Variants in NXNL2 observed in about 807,000 individuals in gnomAD.
NXNL2 encodes the protein nucleoredoxin-like protein 2.
Under a neutral mutation model 11.1 loss-of-function variants are expected in NXNL2, and 7 were observed. The ratio of observed to expected loss-of-function variants is 0.63; its 90% CI spans 0.36 to 1.18. The LOEUF is 1.18. NXNL2 is among the 50% of genes most tolerant of loss of function. NXNL2 has a pLI of 0.02. For synonymous variants in NXNL2, 109 were observed against 101.8 expected (o/e 1.07, Z -0.42); for missense variants, 233 against 217.7 (o/e 1.07, Z -0.44).
At chr9:88,542,158 A>AG (rs898323644) in intron 1 of NXNL2, among the ~76,000 whole-genome samples, 1 of 151,836 alleles carries the variant, frequency 6.6e-6, no homozygotes, top group Non-Finnish European at 1.5e-5. Flanking sequence ...GCATGAACCC[A>AG]GGAGGCGGAG....
intron 1 of NXNL2, among the ~76,000 whole-genome samples, chr9:88,568,771 T>C (rs910816487): frequency 6.6e-6 from 1 of 152,224 alleles, no homozygotes; most frequent in Admixed American, 6.5e-5. Flanking sequence ...AGTATGTAGT[T>C]CAGAAGAGAA....
At chr9:88,541,563 G>A (rs913532246) in intron 1 of NXNL2, among the ~76,000 whole-genome samples, 5 of 152,102 alleles carry the variant, frequency 3.3e-5, no homozygotes, top group African/African-American at 9.7e-5. Context: ...GCCCAGGCTC[G>A]GTAGAGATTT....
rs35107510 is a variant in NXNL2, at chr9:88,573,148, A to ATT, written c.*17-1927_*17-1926dup. Among the ~76,000 whole-genome samples the ATT allele has an allele frequency of 2.6e-3, 388 of 148,330 alleles. 1 individual carries two copies. The highest frequency in any genetic ancestry group is 0.015 in the South Asian group (70 of 4,680). ...TTGATTGAAGGACATAAAATAGTCA[A>ATT]TTTTTTTTTTTTTGAGACAAGGTCT... On this transcript the variant is annotated intron_variant, in intron 2 of 2. Coordinates refer to the NXNL2 transcript ENST00000375855.
At chr9:88,551,724 T>G (rs1456960710) in intron 1 of NXNL2, among the ~76,000 whole-genome samples, 1 of 152,246 alleles carries the variant, frequency 6.6e-6, no homozygotes, top group Non-Finnish European at 1.5e-5. Flanking sequence ...TTGTTAACGC[T>G]GAGCTCCCCT....
intron 1 of NXNL2, among the ~76,000 whole-genome samples, chr9:88,569,709 A>C (rs1830230006): frequency 6.6e-6 from 1 of 152,210 alleles, no homozygotes; most frequent in Non-Finnish European, 1.5e-5. Context: ...TATGCAGACA[A>C]TTATGTGGTT....
downstream of NXNL2, among the ~76,000 whole-genome samples, chr9:88,577,565 T>C (rs551205415): frequency 6.6e-6 from 1 of 152,164 alleles, no homozygotes; most frequent in African/African-American, 2.4e-5. Context: ...GCCTGCTTCC[T>C]GGCTTGTGGA....
At chr9:88,546,263 T>C (rs1040235440), downstream of NXNL2, among the ~76,000 whole-genome samples, 9 of 151,384 alleles carry the variant, frequency 5.9e-5, no homozygotes, top group African/African-American at 1.9e-4. Context: ...GTGTTGGTGT[T>C]TGTGGGCTGG....
chr9:88,542,282 A>G (rs1470823721), intron 1 of NXNL2, among the ~76,000 whole-genome samples: 1 of 151,474 alleles, frequency 6.6e-6, no homozygotes, highest in Admixed American at 6.6e-5. Context: ...ACAAAAAAAT[A>G]TATATTTTTT....
chr9:88,554,859 G>A (rs77743130), intron 1 of NXNL2, among the ~76,000 whole-genome samples: 2,149 of 152,244 alleles, frequency 0.014, 48 homozygotes, highest in African/African-American at 0.048. Flanking sequence ...GGGAACTTAA[G>A]CCTGGAGACT....
chr9:88,537,936 G>T (rs1159681611), intron 1 of NXNL2, among the ~76,000 whole-genome samples: 1 of 152,228 alleles, frequency 6.6e-6, no homozygotes, highest in Non-Finnish European at 1.5e-5. Context: ...CCAGCAACAA[G>T]GATGTGGCTG....
At chr9:88,544,980 AGTCTATT>A (rs1465018865), downstream of NXNL2, 2 of 766,244 alleles carry the variant, frequency 2.6e-6, no homozygotes, top group Non-Finnish European at 3.2e-6. Flanking sequence ...TTAATAAACA[AGTCTATT>A]GCCTTCTTTC....
At chr9:88,573,928 C>T (rs1830311562) in intron 2 of NXNL2, among the ~76,000 whole-genome samples, 1 of 152,190 alleles carries the variant, frequency 6.6e-6, no homozygotes. Flanking sequence ...TGAGATACCA[C>T]CTCCCTGCCA....
At position 88,544,508 on chromosome 9, in the gene NXNL2, G is replaced by A. The variant is rs1829821081; in HGVS notation, c.432G>A (p.Trp144Ter). Reference sequence around the variant, plus strand: ...GGGGGTTGGCCTGCTTCCAGGACTGGGTGGAGGCGGCCGATATCTTCCAGA... The same window carrying A: ...GGGGGTTGGCCTGCTTCCAGGACTGAGTGGAGGCGGCCGATATCTTCCAGA... ...RERGLACFQDWVEAADIFQNF... is the reference protein window; with the variant it reads ...RERGLACFQD Residue 144 changes from tryptophan (W) to a stop codon, truncating the protein, a stop_gained, in exon 2 of 2, where the codon TGG becomes TGA. Coordinates refer to ENST00000375854, the MANE Select transcript of NXNL2 (RefSeq NM_001161625.2). LOFTEE classifies it high-confidence loss of function. The A allele has an allele frequency of 1.9e-6, 3 of 1,549,682 alleles. No homozygotes were observed. Among genetic ancestry groups the A allele is most frequent in the African/African-American group, 1.4e-5 (1 of 73,010 alleles).
intron 1 of NXNL2, among the ~76,000 whole-genome samples, chr9:88,542,787 C>T (rs916364034): frequency 8.6e-5 from 13 of 152,034 alleles, no homozygotes; most frequent in Non-Finnish European, 1.5e-4. Context: ...GTATTTTTTC[C>T]TGCTTGAGTG....
At chr9:88,557,411 C>T (rs1157494100) in intron 1 of NXNL2, among the ~76,000 whole-genome samples, 1 of 152,210 alleles carries the variant, frequency 6.6e-6, no homozygotes, top group Non-Finnish European at 1.5e-5. Flanking sequence ...GAGGCTCCTG[C>T]ACCAGAGTCA....
intron 1 of NXNL2, among the ~76,000 whole-genome samples, chr9:88,569,332 C>CT (rs552735953): frequency 6.6e-6 from 1 of 152,054 alleles, no homozygotes; most frequent in Non-Finnish European, 1.5e-5. Context: ...TCCTTTCTTC[C>CT]TTTTTTTTCT....
chr9:88,546,752 T>G (rs1252782963), downstream of NXNL2, among the ~76,000 whole-genome samples: 1 of 152,124 alleles, frequency 6.6e-6, no homozygotes, highest in African/African-American at 2.4e-5. Flanking sequence ...CAAACAATTT[T>G]TCTTGACGTA....
chr9:88,542,295 T>C (rs1400329756), intron 1 of NXNL2, among the ~76,000 whole-genome samples: 1 of 151,800 alleles, frequency 6.6e-6, no homozygotes, highest in African/African-American at 2.4e-5. Context: ...TATTTTTTTA[T>C]TTTTATTTTT....
At chr9:88,549,896 A>G (rs1829903590), downstream of NXNL2, among the ~76,000 whole-genome samples, 1 of 151,956 alleles carries the variant, frequency 6.6e-6, no homozygotes, top group South Asian at 2.1e-4. Context: ...TAGTGGTGCT[A>G]TCACTGCAAC....
Sources: gnomAD v4.1 joint callset for allele counts (sites outside exome capture counted in the v4.1 genomes callset) on GRCh38, gnomAD v4.1.1 for gene constraint, MANE v1.5 for transcripts, NCBI Gene and HGNC (gene_info 2026-07-23, HGNC 2026-07-21) for gene names.